The following CARS2 variants were observed in gnomAD, a reference collection of about 807,000 sequenced individuals.
The protein encoded by CARS2 is cysteinyl-tRNA synthetase 2, mitochondrial, also known as probable cysteine--tRNA ligase, mitochondrial.
CARS2 carries 52 observed loss-of-function variants against 68.8 expected under a neutral mutation model. That is an observed-to-expected ratio of 0.76 (90% CI 0.61 to 0.95). CARS2 has a LOEUF of 0.95. CARS2 is among the 40% of genes least tolerant of loss of function. The pLI is 0.00. For missense variants in CARS2, 780 were observed against 754.2 expected (o/e 1.03, Z -0.40); for synonymous variants, 314 against 303.6 (o/e 1.03, Z -0.36).
At chr13:110,677,125 T>A (rs771870744) in intron 6 of CARS2, 22 bp from the exon 7 acceptor site, 2 of 1,584,840 alleles carry the variant, frequency 1.3e-6, no homozygotes, top group African/African-American at 2.7e-5. Flanking sequence ...AAACGGTACA[T>A]CAGTGGGAAG....
intron 12 of CARS2, 88 bp from the exon 13 acceptor site, chr13:110,644,571 C>T (rs1887837024): frequency 6.4e-7 from 1 of 1,569,742 alleles, no homozygotes; most frequent in Non-Finnish European, 8.6e-7. Flanking sequence ...ACAAAGGCTT[C>T]AGCAGGTCAC....
chr13:110,641,677 G>A (rs1433567184), intron 14 of CARS2, 69 bp from the exon 15 acceptor site: 9 of 1,284,754 alleles, frequency 7.0e-6, no homozygotes, highest in South Asian at 2.4e-5. Flanking sequence ...GCTGACAGGC[G>A]TAATCAGGTT....
At chr13:110,644,684 T>G (rs1310088362) in intron 12 of CARS2, 4 of 870,258 alleles carry the variant, frequency 4.6e-6, no homozygotes, top group Non-Finnish European at 6.6e-6. Flanking sequence ...AGGAATCTCT[T>G]GTGCCTCAGT....
upstream of CARS2, chr13:110,706,445 T>C (rs530438737): frequency 4.1e-5 from 7 of 170,850 alleles, no homozygotes; most frequent in South Asian, 2.0e-4. Context: ...CCTGGAGCTG[T>C]GTCCGCCGCG....
At chr13:110,712,629 A>C in intron 1 of CARS2, 3 of 514,098 alleles carry the variant, frequency 5.8e-6, no homozygotes, top group East Asian at 4.1e-5. Context: ...TTGGGAGGGT[A>C]GAGGGGCGAC....
chr13:110,679,256 G>A lies in CARS2; in HGVS notation c.656-2153C>T, dbSNP rs570978255. Among the ~76,000 whole-genome samples the A allele has an allele frequency of 2.6e-4, 40 of 152,176 alleles. No individual in the cohort carries two copies. In the East Asian group the frequency reaches 3.9e-3, roughly 15 times the overall value. The stretch of plus-strand genomic sequence containing the variant: ...ATTAAAAGTAAAATGGGAGCTGGGC[G>A]CGGTGGCTCACACCTAGAATCCCAG... On this transcript the variant is annotated intron_variant, in intron 6 of 14. Coordinates refer to ENST00000257347, the MANE Select transcript of CARS2 (RefSeq NM_024537.4).
exon 1 of CARS2, chr13:110,713,222 T>G (rs1270179934): frequency 2.8e-6 from 4 of 1,416,942 alleles, no homozygotes; most frequent in Non-Finnish European, 3.7e-6. Context: ...CAGTTCTGTT[T>G]CGGGCCCTAC....
intron 3 of CARS2, chr13:110,697,902 A>G (rs1348626689): frequency 1.3e-5 from 6 of 451,446 alleles, no homozygotes; most frequent in Middle Eastern, 3.3e-4. Flanking sequence ...TCAATAGAAA[A>G]TAGGAAGACA....
In CARS2 at chr13:110,705,716, C is replaced by T. The variant is rs1298826211; in HGVS notation, c.225-145G>A. ...GTTTTCATACTTGCTCAATTCACACCCAAACCTGCAAAAGCACCGCGCACC... is the reference window on the plus strand; with the variant it reads ...GTTTTCATACTTGCTCAATTCACACTCAAACCTGCAAAAGCACCGCGCACC... On this transcript the variant is annotated intron_variant, in intron 1 of 14. Coordinates refer to ENST00000257347, the MANE Select transcript of CARS2 (RefSeq NM_024537.4). The surrounding 1 kb of genome is among the most constrained non-coding windows in gnomAD (Gnocchi z 4.0). 2 of 1,531,064 alleles carry T rather than the reference C, an allele frequency of 1.3e-6. No individual in the cohort carries two copies. Among genetic ancestry groups the T allele is most frequent in the South Asian group, 2.4e-5 (2 of 83,660 alleles). The allele number at this position is 1,531,064 out of a possible 1,614,324, so 94.8% of individuals were successfully genotyped here.
chr13:110,667,115 CA>C (rs1312356639), intron 8 of CARS2, among the ~76,000 whole-genome samples: 1 of 152,178 alleles, frequency 6.6e-6, no homozygotes, highest in Non-Finnish European at 1.5e-5. Context: ...ACAGCATTGC[CA>C]AACATTTTCC....
chr13:110,688,264 T>C (rs1566325299), intron 3 of CARS2, among the ~76,000 whole-genome samples: 1 of 152,126 alleles, frequency 6.6e-6, no homozygotes, highest in Non-Finnish European at 1.5e-5. Flanking sequence ...AGAGAAGAAA[T>C]AATGTCACAA....
At chr13:110,710,683 G>A (rs1335201068), upstream of CARS2, among the ~76,000 whole-genome samples, 1 of 152,136 alleles carries the variant, frequency 6.6e-6, no homozygotes, top group Non-Finnish European at 1.5e-5. Context: ...GATCTTCTAA[G>A]TTTGTTCCAA....
intron 8 of CARS2, chr13:110,666,998 T>C: frequency 1.0e-6 from 1 of 954,130 alleles, no homozygotes; most frequent in Non-Finnish European, 1.2e-6. Context: ...GGCAGAGATG[T>C]CTAGTGACAA....
chr13:110,698,806 C>T (rs1328692462), intron 3 of CARS2, among the ~76,000 whole-genome samples: 1 of 151,998 alleles, frequency 6.6e-6, no homozygotes, highest in Admixed American at 6.6e-5. Flanking sequence ...GAGTTTGAGA[C>T]CAGCCTGGGC....
At chr13:110,698,918 G>A (rs1207104375) in intron 3 of CARS2, among the ~76,000 whole-genome samples, 1 of 152,074 alleles carries the variant, frequency 6.6e-6, no homozygotes, top group Non-Finnish European at 1.5e-5. Flanking sequence ...GGGCTGAGGT[G>A]GGAGAACAGC....
chr13:110,703,327 C>G (rs1283991941), intron 2 of CARS2, among the ~76,000 whole-genome samples: 3 of 152,096 alleles, frequency 2.0e-5, no homozygotes, highest in Admixed American at 1.3e-4. Context: ...TGAAGGAGTA[C>G]AATGCTAGGA....
At chr13:110,701,780 G>A (rs537862903) in intron 2 of CARS2, among the ~76,000 whole-genome samples, 7 of 152,318 alleles carry the variant, frequency 4.6e-5, no homozygotes, top group Admixed American at 4.6e-4. Context: ...TCAATTTCAG[G>A]ACACAATATT....
Position 110,712,741 on chromosome 13 carries a change from G to A in CARS2, n.399+396C>T, listed in dbSNP as rs187307683. The stretch of plus-strand genomic sequence containing the variant: ...TTTCCAAGTGTGGGGAGCGGCCTCC[G>A]AGAACGGTGTCCATGACACAGGGCG... On this transcript the variant is annotated intron_variant and non_coding_transcript_variant, in intron 1 of 2. Transcript: ENST00000485188. 20 of 700,650 alleles carry A rather than the reference G, an allele frequency of 2.9e-5. No homozygotes were observed. The African/African-American group carries it at 3.3e-4, about 12-fold the overall frequency. The allele number at this position is 700,650 out of a possible 1,614,324, so 43.4% of individuals were successfully genotyped here.
intron 6 of CARS2, among the ~76,000 whole-genome samples, chr13:110,680,801 C>T (rs2063137528): frequency 2.0e-5 from 3 of 152,232 alleles, no homozygotes; most frequent in Non-Finnish European, 4.4e-5. Flanking sequence ...AAATATAGAA[C>T]AGCTAAGGCT....
Sources: allele counts gnomAD v4.1 joint callset (sites outside exome capture counted in the v4.1 genomes callset), GRCh38; gene constraint gnomAD v4.1.1; non-coding constraint Gnocchi (gnomAD v3.1); transcripts MANE v1.5; gene names NCBI Gene and HGNC (gene_info 2026-07-23, HGNC 2026-07-21).